The following SLIT2 variants were observed in gnomAD, a reference collection of about 807,000 sequenced individuals.
SLIT2 encodes the protein slit guidance ligand 2.
Under a neutral mutation model 185.7 loss-of-function variants are expected in SLIT2, and 41 were observed. The ratio of observed to expected loss-of-function variants is 0.22; its 90% CI spans 0.17 to 0.29. The LOEUF (loss-of-function observed/expected upper bound fraction) is 0.29. Ranked by LOEUF, SLIT2 falls within the 10% of genes least tolerant of loss-of-function variation. The pLI is 1.00. For synonymous variants in SLIT2, 693 were observed against 680.2 expected, an observed-to-expected ratio of 1.02 and a Z score of -0.29; for missense variants, 1,571 against 1,909.0, an observed-to-expected ratio of 0.82 and a Z score of 3.30.
At chr4:20,550,655 T>C (rs1174576623) in intron 24 of SLIT2, among the ~76,000 whole-genome samples, 172 bp from the exon 25 acceptor site, 1 of 152,144 alleles carries the variant, frequency 6.6e-6, no homozygotes, top group Non-Finnish European at 1.5e-5. Flanking sequence ...TAATGTGAGG[T>C]GGAAGCCATT....
chr4:20,298,812 T>C (rs1716757912), intron 4 of SLIT2, among the ~76,000 whole-genome samples: 1 of 152,214 alleles, frequency 6.6e-6, no homozygotes, highest in Non-Finnish European at 1.5e-5. Flanking sequence ...CACAATGTCT[T>C]ATTTCAATAA....
intron 33 of SLIT2, among the ~76,000 whole-genome samples, chr4:20,606,616 G>T (rs1340557792): frequency 6.6e-6 from 1 of 152,180 alleles, no homozygotes; most frequent in African/African-American, 2.4e-5. Flanking sequence ...AAGTTCTGGT[G>T]TGATCAGATT....
intron 4 of SLIT2, among the ~76,000 whole-genome samples, chr4:20,312,871 A>G (rs970691063): frequency 3.9e-5 from 6 of 152,022 alleles, no homozygotes; most frequent in Admixed American, 6.6e-5. Flanking sequence ...AATATAAAAT[A>G]GATTTTCTTG....
At chr4:20,538,968 G>A (rs1722561785) in intron 18 of SLIT2, among the ~76,000 whole-genome samples, 1 of 152,068 alleles carries the variant, frequency 6.6e-6, no homozygotes, top group Non-Finnish European at 1.5e-5. Context: ...GACCATGTTT[G>A]ACATTGACTC....
chr4:20,354,906 T>TGTGTGAGA (rs1165332356), intron 4 of SLIT2, among the ~76,000 whole-genome samples: 3 of 76,998 alleles, frequency 3.9e-5, no homozygotes, highest in Non-Finnish European at 8.7e-5. Flanking sequence ...TGTGTGTGTG[T>TGTGTGAGA]GAGAGAGAGA....
intron 4 of SLIT2, among the ~76,000 whole-genome samples, chr4:20,441,174 G>T (rs571653495): frequency 6.6e-6 from 1 of 152,248 alleles, no homozygotes; most frequent in South Asian, 2.1e-4. Flanking sequence ...CATGTGGTCA[G>T]TGTGGCAAAA....
intron 3 of SLIT2, among the ~76,000 whole-genome samples, chr4:20,267,335 A>G (rs757891249): frequency 6.6e-6 from 1 of 151,904 alleles, no homozygotes; most frequent in African/African-American, 2.4e-5. Context: ...CTTTACCACT[A>G]ATTTTACTAT....
chr4:20,416,157 C>G lies in SLIT2; in HGVS notation c.396-51595C>G, dbSNP rs12171436. Among the ~76,000 whole-genome samples the G allele has an allele frequency of 4.8e-3, 738 of 152,264 alleles. 11 individuals are homozygous for G. The highest frequency in any genetic ancestry group is 0.017 in the African/African-American group (713 of 41,552). ...TTGTCATTCTTTCTGGATTCGTCCA[C>G]TAGGGCTACCATAGCAAAATACCAC... is the stretch of plus-strand genomic sequence containing the variant. On this transcript the variant is annotated intron_variant, in intron 4 of 36. Coordinates refer to ENST00000504154, the MANE Select transcript of SLIT2 (RefSeq NM_004787.4).
intron 4 of SLIT2, among the ~76,000 whole-genome samples, chr4:20,349,622 A>G (rs1011806411): frequency 6.6e-6 from 1 of 152,302 alleles, no homozygotes; most frequent in Non-Finnish European, 1.5e-5. Flanking sequence ...GTTTCCCTGA[A>G]AATGTTAAAG....
At chr4:20,351,346 G>A (rs7672504) in intron 4 of SLIT2, among the ~76,000 whole-genome samples, 32,401 of 152,106 alleles carry the variant, frequency 0.21, 3,874 homozygotes, top group Non-Finnish European at 0.28. Flanking sequence ...ACCACACCCG[G>A]CCTATAGTCT....
chr4:20,435,591 A>G (rs1729295219), intron 4 of SLIT2, among the ~76,000 whole-genome samples: 1 of 152,210 alleles, frequency 6.6e-6, no homozygotes. Context: ...GAAAAAACAG[A>G]CATGCCTTCA....
chr4:20,320,770 C>G (rs2109163416), intron 4 of SLIT2, among the ~76,000 whole-genome samples: 1 of 152,224 alleles, frequency 6.6e-6, no homozygotes, highest in South Asian at 2.1e-4. Context: ...TCTGCATAGC[C>G]CACTCCAACT....
At chr4:20,400,704 A>G (rs546765218) in intron 4 of SLIT2, among the ~76,000 whole-genome samples, 1 of 151,896 alleles carries the variant, frequency 6.6e-6, no homozygotes, top group African/African-American at 2.4e-5. Flanking sequence ...GCTTAAGAGC[A>G]CCTACTGCCC....
In SLIT2 at chr4:20,470,484, C is replaced by CTGTGTGTGTGTGTG. The variant is rs540814034; in HGVS notation, c.467+2697_467+2710dup. 8.0e-4 allele frequency among the ~76,000 whole-genome samples: 104 copies of CTGTGTGTGTGTGTG among 129,278 alleles called. 2 individuals are homozygous for CTGTGTGTGTGTGTG. The highest frequency in any genetic ancestry group is 4.2e-3 in the Middle Eastern group (1 of 240). 84.8% of individuals were successfully genotyped at this position (129,278 alleles called of 152,430 possible). On this transcript the variant is annotated intron_variant, in intron 5 of 36. Transcript: ENST00000504154. ...GAGTAAAACCATAGTGCAGTGGAGT[C>CTGTGTGTGTGTGTG]TGTGTGTGTGTGTGTGTGTGTGTGT...
intron 5 of SLIT2, among the ~76,000 whole-genome samples, chr4:20,473,614 A>G (rs1212785708): frequency 5.3e-5 from 8 of 152,028 alleles, no homozygotes; most frequent in Non-Finnish European, 1.2e-4. Context: ...CAAGTTTTGT[A>G]TCGATGGCTC....
intron 16 of SLIT2, 27 bp downstream of exon 16, chr4:20,529,126 G>T: frequency 6.5e-7 from 1 of 1,547,240 alleles, no homozygotes; most frequent in Admixed American, 1.8e-5. Flanking sequence ...ACAAAATTCT[G>T]GTTGGGATGG....
intron 4 of SLIT2, among the ~76,000 whole-genome samples, chr4:20,331,293 C>T (rs1383902916): frequency 2.6e-5 from 4 of 152,010 alleles, no homozygotes; most frequent in Non-Finnish European, 5.9e-5. Context: ...ATCAGAAAAA[C>T]ACATTTCCAA....
At chr4:20,266,984 C>T (rs770271283) in intron 3 of SLIT2, among the ~76,000 whole-genome samples, 1 of 151,886 alleles carries the variant, frequency 6.6e-6, no homozygotes, top group Non-Finnish European at 1.5e-5. Flanking sequence ...TGGTAAATCT[C>T]GTGGTTTGGA....
intron 4 of SLIT2, among the ~76,000 whole-genome samples, chr4:20,425,894 T>C (rs1390109114): frequency 6.6e-6 from 1 of 152,178 alleles, no homozygotes; most frequent in Non-Finnish European, 1.5e-5. Context: ...TCTGCCTGCC[T>C]CTCCCTCCTA....
Sources: allele counts gnomAD v4.1 joint callset (sites outside exome capture counted in the v4.1 genomes callset), GRCh38; gene constraint gnomAD v4.1.1; transcripts MANE v1.5; gene names NCBI Gene and HGNC (gene_info 2026-07-23, HGNC 2026-07-21).